Variants in ESR1 observed in about 807,000 individuals in gnomAD.
ESR1 encodes estrogen receptor 1.
Under a neutral mutation model 52.7 loss-of-function variants are expected in ESR1, and 12 were observed. That is an observed-to-expected ratio of 0.23 (90% CI 0.15 to 0.37). ESR1 has a LOEUF of 0.37. Among genes scored for constraint, ESR1 ranks in the 10% least tolerant of loss-of-function variants. ESR1 has a pLI of 1.00. For missense variants in ESR1, 584 were observed against 779.7 expected (o/e 0.75, Z 2.99); for synonymous variants, 305 against 316.8 (o/e 0.96, Z 0.39).
intron 3 of ESR1, among the ~76,000 whole-genome samples, chr6:151,938,585 G>A (rs1316772210): frequency 1.3e-5 from 2 of 152,120 alleles, no homozygotes; most frequent in African/African-American, 4.8e-5. Context: ...AGTCCAGGCC[G>A]ACTTTGAAGA....
intron 2 of ESR1, among the ~76,000 whole-genome samples, chr6:151,847,399 C>T (rs9479131): frequency 0.046 from 6,984 of 151,932 alleles, 316 homozygotes; most frequent in East Asian, 0.17. Flanking sequence ...TCTCCAGCAC[C>T]TGTTGTTTCC....
At position 152,071,833 on chromosome 6, in the gene ESR1, C is replaced by T. The variant is rs7764672; in HGVS notation, c.1369+10709C>T. 2.8e-3 allele frequency among the ~76,000 whole-genome samples: 428 copies of T among 152,226 alleles called. 1 individual carries two copies. The highest frequency in any genetic ancestry group is 0.01 in the African/African-American group (416 of 41,564). Reference sequence around the variant, plus strand: ...ACATTTGTTTTGCATTTTTTTCATACATCTTTTGCTCACTTTTCATTGTTA... The same window carrying T: ...ACATTTGTTTTGCATTTTTTTCATATATCTTTTGCTCACTTTTCATTGTTA... On this transcript the variant is annotated intron_variant, in intron 6 of 7. Coordinates refer to ENST00000206249, the MANE Select transcript of ESR1 (RefSeq NM_000125.4).
At chr6:152,107,423 A>G (rs899666315), downstream of ESR1, among the ~76,000 whole-genome samples, 1 of 152,106 alleles carries the variant, frequency 6.6e-6, no homozygotes, top group African/African-American at 2.4e-5. Context: ...CCATTATTGT[A>G]TATTTCAACT....
At chr6:151,980,458 T>C (rs987729706) in intron 4 of ESR1, among the ~76,000 whole-genome samples, 16 of 152,194 alleles carry the variant, frequency 1.1e-4, no homozygotes, top group African/African-American at 3.9e-4. Context: ...AAACAACATA[T>C]GTTTTTTCCT....
rs9340814 is a variant in ESR1, at chr6:151,843,922, T to G, written c.643+1135T>G. Among the ~76,000 whole-genome samples the G allele has an allele frequency of 7.0e-3, 1,060 of 151,996 alleles. 10 individuals are homozygous for G. The highest frequency in any genetic ancestry group is 0.024 in the African/African-American group (1,010 of 41,504). On this transcript the variant is annotated intron_variant, in intron 2 of 7. Coordinates refer to ENST00000206249, the MANE Select transcript of ESR1 (RefSeq NM_000125.4). ...GTTGCCAGTGGGACTTTTTTTTTTT[T>G]TTTAAAAGCTGTTCATATCTTAATC...
chr6:152,090,200 G>A (rs948933144), intron 6 of ESR1, among the ~76,000 whole-genome samples: 1 of 152,164 alleles, frequency 6.6e-6, no homozygotes, highest in Non-Finnish European at 1.5e-5. Context: ...GCACCCGAAA[G>A]GCTGATGTGT....
chr6:152,122,804 C>T, intron 6 of ESR1: 1 of 1,419,882 alleles, frequency 7.0e-7, no homozygotes, highest in Non-Finnish European at 9.7e-7. Context: ...GATCAGCTGC[C>T]AGCCTTCCAC....
exon 7 of ESR1, chr6:152,126,571 A>C (rs2053525846): frequency 6.6e-6 from 1 of 152,210 alleles, no homozygotes; most frequent in Non-Finnish European, 1.5e-5. Flanking sequence ...CAGATATATC[A>C]GATAGTTCTG....
intron 5 of ESR1, among the ~76,000 whole-genome samples, chr6:152,032,711 C>G (rs1240812575): frequency 1.3e-5 from 2 of 152,200 alleles, no homozygotes; most frequent in African/African-American, 4.8e-5. Context: ...AATGGCCATA[C>G]TGCCCAAGGT....
At chr6:151,939,992 A>G (rs554995742) in intron 3 of ESR1, among the ~76,000 whole-genome samples, 1 of 152,304 alleles carries the variant, frequency 6.6e-6, no homozygotes, top group South Asian at 2.1e-4. Flanking sequence ...GGGTATATAT[A>G]TTAGTCCATT....
chr6:151,901,134 A>AG (rs1253033291), intron 3 of ESR1, among the ~76,000 whole-genome samples: 1 of 152,126 alleles, frequency 6.6e-6, no homozygotes, highest in Admixed American at 6.5e-5. Context: ...GCTGTGGGGC[A>AG]GGGGGGTGAG....
intron 5 of ESR1, among the ~76,000 whole-genome samples, chr6:152,022,933 C>T (rs2043806278): frequency 6.7e-6 from 1 of 150,322 alleles, no homozygotes; most frequent in Non-Finnish European, 1.5e-5. Context: ...GCCAAGTTCT[C>T]ACCATTGCAC....
chr6:151,859,078 G>A (rs1445973799), intron 2 of ESR1, among the ~76,000 whole-genome samples: 1 of 152,118 alleles, frequency 6.6e-6, no homozygotes, highest in Non-Finnish European at 1.5e-5. Flanking sequence ...AGATATGGAA[G>A]GGTCAGAAAA....
chr6:151,988,280 G>T (rs981864343), intron 4 of ESR1, among the ~76,000 whole-genome samples: 3 of 152,028 alleles, frequency 2.0e-5, no homozygotes, highest in Admixed American at 6.6e-5. Flanking sequence ...AGATTATCAG[G>T]CATTAGATTA....
At chr6:151,701,906 A>C (rs1279087255) in exon 2 of ESR1, 1 of 152,230 alleles carries the variant, frequency 6.6e-6, no homozygotes, top group Non-Finnish European at 1.5e-5. Flanking sequence ...GTAAGCACAA[A>C]GATCTCTTCA....
chr6:151,804,152 C>A (rs1390803910), upstream of ESR1, among the ~76,000 whole-genome samples: 1 of 152,108 alleles, frequency 6.6e-6, no homozygotes. Context: ...AGTATACTTT[C>A]CCACCCATGC....
intron 4 of ESR1, among the ~76,000 whole-genome samples, chr6:151,983,098 C>T (rs1290081125): frequency 2.0e-5 from 3 of 152,020 alleles, no homozygotes; most frequent in South Asian, 2.1e-4. Flanking sequence ...GTTCAATAGT[C>T]GCAGGTGGCC....
At chr6:151,678,540 C>T (rs556192617) in intron 1 of ESR1, among the ~76,000 whole-genome samples, 9 of 151,934 alleles carry the variant, frequency 5.9e-5, no homozygotes, top group Admixed American at 3.9e-4. Context: ...GGTGTGGGTT[C>T]GGCATGGATA....
intron 6 of ESR1, among the ~76,000 whole-genome samples, chr6:152,081,524 G>A (rs1053344686): frequency 1.3e-5 from 2 of 151,618 alleles, no homozygotes; most frequent in East Asian, 3.9e-4. Context: ...GAGAAAGCAG[G>A]AAAGATCTAA....
Sources: allele counts gnomAD v4.1 joint callset (sites outside exome capture counted in the v4.1 genomes callset), GRCh38; gene constraint gnomAD v4.1.1; transcripts MANE v1.5; gene names NCBI Gene and HGNC (gene_info 2026-07-23, HGNC 2026-07-21).